STEAP1B: variants seen among roughly 807,000 people sequenced by gnomAD.
STEAP1B encodes STEAP family protein MGC87042.
Under a neutral mutation model 27.9 loss-of-function variants are expected in STEAP1B, and 13 were observed. That is an observed-to-expected ratio of 0.47 (90% CI 0.30 to 0.74). STEAP1B has a LOEUF of 0.74. Ranked by LOEUF, STEAP1B falls within the 30% of genes least tolerant of loss-of-function variation. STEAP1B has a pLI of 0.06. For synonymous variants in STEAP1B, 86 were observed against 107.1 expected (o/e 0.80, Z 1.22); for missense variants, 250 against 298.7 (o/e 0.84, Z 1.20).
intron 4 of STEAP1B, among the ~76,000 whole-genome samples, chr7:22,487,482 T>C (rs540656102): frequency 4.8e-4 from 73 of 151,552 alleles, no homozygotes; most frequent in African/African-American, 1.7e-3. Context: ...AAAAAATGTC[T>C]TGCAAAGGCC....
chr7:22,454,681 T>TGCTGCAGGA (rs1425978499), intron 4 of STEAP1B, among the ~76,000 whole-genome samples: 1 of 151,776 alleles, frequency 6.6e-6, no homozygotes, highest in Non-Finnish European at 1.5e-5. Context: ...AGGCTGCAGG[T>TGCTGCAGGA]GCTGCAGGAG....
chr7:22,430,409 T>G (rs1240609243), intron 4 of STEAP1B, among the ~76,000 whole-genome samples: 1 of 152,202 alleles, frequency 6.6e-6, no homozygotes, highest in African/African-American at 2.4e-5. Context: ...CTACCACAAG[T>G]GCATCATTAA....
chr7:22,435,510 T>A (rs1023530390), intron 4 of STEAP1B, among the ~76,000 whole-genome samples: 1 of 152,182 alleles, frequency 6.6e-6, no homozygotes. Flanking sequence ...CCTCCATCAG[T>A]AAATTTTTTC....
chr7:22,490,505 C>T (rs559498869), intron 4 of STEAP1B, among the ~76,000 whole-genome samples: 5 of 152,302 alleles, frequency 3.3e-5, no homozygotes, highest in African/African-American at 1.2e-4. Context: ...CTCAAAAAAA[C>T]TCTACCTTCT....
intron 4 of STEAP1B, among the ~76,000 whole-genome samples, chr7:22,486,731 T>C (rs1786215552): frequency 6.6e-6 from 1 of 152,064 alleles, no homozygotes; most frequent in African/African-American, 2.4e-5. Context: ...AAACCACATG[T>C]CAACTGCCCT....
chr7:22,491,589 G>T (rs1361515288), intron 4 of STEAP1B, among the ~76,000 whole-genome samples: 1 of 152,120 alleles, frequency 6.6e-6, no homozygotes, highest in Non-Finnish European at 1.5e-5. Flanking sequence ...AGAGAAAAAA[G>T]GTATTCTTGG....
intron 4 of STEAP1B, among the ~76,000 whole-genome samples, chr7:22,432,406 A>C (rs1186395604): frequency 1.3e-5 from 2 of 151,040 alleles, no homozygotes; most frequent in African/African-American, 2.4e-5. Flanking sequence ...TAAATAAATA[A>C]ATAAATAAAT....
intron 4 of STEAP1B, among the ~76,000 whole-genome samples, chr7:22,486,086 A>G (rs1344627740): frequency 6.6e-6 from 1 of 152,200 alleles, no homozygotes. Context: ...CCCAGTGCCC[A>G]TTCTGCACCT....
chr7:22,423,346 T>C (rs1165169447), intron 4 of STEAP1B, among the ~76,000 whole-genome samples: 1 of 152,164 alleles, frequency 6.6e-6, no homozygotes, highest in Non-Finnish European at 1.5e-5. Context: ...ATTCATAATA[T>C]CAAAAGGTGC....
intron 4 of STEAP1B, among the ~76,000 whole-genome samples, chr7:22,480,967 G>A (rs1033237395): frequency 3.3e-5 from 5 of 152,192 alleles, no homozygotes; most frequent in African/African-American, 7.2e-5. Context: ...TTGTCTCTGA[G>A]GTTATGTTCA....
At position 22,438,779 on chromosome 7, in the gene STEAP1B, C is replaced by T. The variant is rs1473132200; in HGVS notation, c.763-18943G>A. On this transcript the variant is annotated intron_variant, in intron 4 of 4. Transcript: ENST00000678116. ...GCCTAGAAAATGAAAAGAAATGATA[C>T]ATTTGGTGCCTGTGTAAAGTATGTG... 2.6e-6 allele frequency: 4 copies of T among 1,537,360 alleles called. No homozygotes were observed. The South Asian group carries it at 3.7e-5, about 14-fold the overall frequency.
At position 22,419,738 on chromosome 7, in the gene STEAP1B, T is replaced by C; in HGVS notation, c.*66A>G. Reference sequence around the variant, plus strand: ...AAAGGGCACTGGGTGGTGTTCTGCATGAGCAATCCAATGCTGTGCTCCAAA... The same window carrying C: ...AAAGGGCACTGGGTGGTGTTCTGCACGAGCAATCCAATGCTGTGCTCCAAA... On this transcript the variant is annotated 3_prime_UTR_variant, in exon 5 of 5. Coordinates refer to ENST00000678116, the MANE Select transcript of STEAP1B (RefSeq NM_001382447.1). 9 of 1,519,114 alleles carry C rather than the reference T, an allele frequency of 5.9e-6. No homozygotes were observed. The highest frequency in any genetic ancestry group is 8.0e-6 in the Non-Finnish European group (9 of 1,127,618). 94.1% of individuals were successfully genotyped at this position (1,519,114 alleles called of 1,614,324 possible).
chr7:22,464,897 A>G (rs1223476729), intron 4 of STEAP1B, among the ~76,000 whole-genome samples: 1 of 132,318 alleles, frequency 7.6e-6, no homozygotes, highest in Admixed American at 8.2e-5. Context: ...CTCACAGAAC[A>G]TGCTCCAAGA....
chr7:22,470,057 GAC>G (rs1785854470), intron 4 of STEAP1B, among the ~76,000 whole-genome samples: 1 of 152,176 alleles, frequency 6.6e-6, no homozygotes, highest in Non-Finnish European at 1.5e-5. Flanking sequence ...AGACAGCCTA[GAC>G]ACAATTGCAC....
intron 4 of STEAP1B, among the ~76,000 whole-genome samples, chr7:22,453,248 A>C (rs1785519268): frequency 1.3e-5 from 2 of 152,228 alleles, no homozygotes; most frequent in South Asian, 4.1e-4. Flanking sequence ...CTTTAGAAAG[A>C]AGCCTTCTGA....
intron 4 of STEAP1B, among the ~76,000 whole-genome samples, chr7:22,447,564 T>C (rs1048099658): frequency 1.3e-5 from 2 of 152,194 alleles, no homozygotes; most frequent in African/African-American, 4.8e-5. Context: ...AACACATCAT[T>C]TGTAGGGCAA....
At position 22,446,591 on chromosome 7, in the gene STEAP1B, C is replaced by T. The variant is rs368860073; in HGVS notation, c.763-26755G>A. Reference sequence around the variant, plus strand: ...CCCTGGAATACTGGCAATTCCAATGCGTAGCCAAGATTTAGAACCACTCTG... The same window carrying T: ...CCCTGGAATACTGGCAATTCCAATGTGTAGCCAAGATTTAGAACCACTCTG... On this transcript the variant is annotated intron_variant, in intron 4 of 4. Transcript: ENST00000678116. 7.4e-4 allele frequency among the ~76,000 whole-genome samples: 112 copies of T among 152,342 alleles called. 1 individual carries two copies. Among genetic ancestry groups the T allele is most frequent in the Non-Finnish European group, 9.4e-4 (64 of 68,020 alleles).
chr7:22,428,394 A>G (rs1785136110), intron 4 of STEAP1B, among the ~76,000 whole-genome samples: 1 of 152,206 alleles, frequency 6.6e-6, no homozygotes, highest in Non-Finnish European at 1.5e-5. Context: ...CAATGGTTGT[A>G]GATTTTGTCT....
chr7:22,456,968 ATATATTTT>A (rs1785592929), intron 4 of STEAP1B, among the ~76,000 whole-genome samples: 3 of 47,956 alleles, frequency 6.3e-5, no homozygotes, highest in South Asian at 7.3e-4. Flanking sequence ...ATATATATAT[ATATATTTT>A]TTTTTTTTTT....
Sources: gnomAD v4.1 joint callset for allele counts (sites outside exome capture counted in the v4.1 genomes callset) on GRCh38, gnomAD v4.1.1 for gene constraint, MANE v1.5 for transcripts, NCBI Gene and HGNC (gene_info 2026-07-23, HGNC 2026-07-21) for gene names.